The following PIKFYVE variants were observed in gnomAD, a reference collection of about 807,000 sequenced individuals.
PIKFYVE encodes the protein 1-phosphatidylinositol 3-phosphate 5-kinase.
A neutral mutation model predicts 257.9 loss-of-function variants in PIKFYVE; 122 were observed. The ratio of observed to expected loss-of-function variants is 0.47; its 90% confidence interval spans 0.41 to 0.55. The LOEUF (loss-of-function observed/expected upper bound fraction) is 0.55, where lower values mean the gene tolerates loss of function less well. PIKFYVE is among the 20% of genes least tolerant of loss of function. The pLI, the probability that PIKFYVE is intolerant of heterozygous loss-of-function variation, is 0.00. For missense variants in PIKFYVE, 2,160 were observed against 2,536.6 expected (o/e 0.85, Z 3.19); for synonymous variants, 892 against 868.9 (o/e 1.03, Z -0.47).
At position 208,304,871 on chromosome 2, in the gene PIKFYVE, A is replaced by G. The variant is rs372162646; in HGVS notation, c.1494A>G (p.Thr498=). Residue 498 remains threonine (T), a synonymous_variant, in exon 12 of 42, where the codon ACA becomes ACG. Transcript: ENST00000264380. ...ATTCTGCCAGTCCTAGCAAGCGCAC[A>G]TCAGTCAGCAGTTTCCAGTCCACAG... ...LANSASPSKR[T]SVSSFQSTVD... 8.1e-6 allele frequency: 13 copies of G among 1,614,052 alleles called. No homozygotes were observed. The highest frequency in any genetic ancestry group is 1.3e-5 in the African/African-American group (1 of 74,916).
At chr2:208,343,455 T>C (rs1250569541) in intron 32 of PIKFYVE, among the ~76,000 whole-genome samples, 4 of 152,244 alleles carry the variant, frequency 2.6e-5, no homozygotes, top group African/African-American at 9.6e-5. Context: ...CAGATAGTAC[T>C]GAACCCTATA....
intron 13 of PIKFYVE, among the ~76,000 whole-genome samples, chr2:208,312,706 AAGAGAAGCAGGC>A (rs1356547319): frequency 6.6e-6 from 1 of 152,222 alleles, no homozygotes; most frequent in Non-Finnish European, 1.5e-5. Flanking sequence ...TGGAGTGAGG[AAGAGAAGCAGGC>A]AGTAGAGGTT....
At chr2:208,351,013 G>T (rs1448566002) in intron 37 of PIKFYVE, 66 bp downstream of exon 37, 2 of 1,584,480 alleles carry the variant, frequency 1.3e-6, no homozygotes, top group Non-Finnish European at 1.7e-6. Flanking sequence ...AGAAAATGCA[G>T]CAGGAAGGAT....
chr2:208,341,417 C>G (rs1336809453), intron 31 of PIKFYVE, among the ~76,000 whole-genome samples: 1 of 151,972 alleles, frequency 6.6e-6, no homozygotes, highest in African/African-American at 2.4e-5. Flanking sequence ...GAAGAATTTA[C>G]TAGACCTTCC....
chr2:208,342,772 T>C, intron 32 of PIKFYVE, 123 bp downstream of exon 32: 3 of 762,536 alleles, frequency 3.9e-6, no homozygotes, highest in Non-Finnish European at 6.6e-6. Context: ...AAATATATGT[T>C]CTTTAGTCGT....
At chr2:208,327,014 A>T (rs1181911913) in intron 20 of PIKFYVE, among the ~76,000 whole-genome samples, 1 of 152,194 alleles carries the variant, frequency 6.6e-6, no homozygotes, top group Non-Finnish European at 1.5e-5. Context: ...TAGATGAGGA[A>T]ATGCAATTGT....
intron 31 of PIKFYVE, among the ~76,000 whole-genome samples, chr2:208,341,844 T>C (rs1231157496): frequency 6.6e-6 from 1 of 152,176 alleles, no homozygotes; most frequent in Non-Finnish European, 1.5e-5. Flanking sequence ...AGGGTAAACA[T>C]TCATTCTGTA....
chr2:208,294,704 T>G (rs1020680906), intron 7 of PIKFYVE, among the ~76,000 whole-genome samples: 1 of 152,056 alleles, frequency 6.6e-6, no homozygotes, highest in African/African-American at 2.4e-5. Context: ...TCTTCCCCCA[T>G]GTGGAAGGCT....
intron 12 of PIKFYVE, among the ~76,000 whole-genome samples, chr2:208,309,913 C>CA (rs1694764075): frequency 6.6e-6 from 1 of 152,172 alleles, no homozygotes; most frequent in African/African-American, 2.4e-5. Context: ...TTAGCCTACT[C>CA]AGTGAGAATA....
chr2:208,316,657 A>T (rs1481435482), intron 15 of PIKFYVE, among the ~76,000 whole-genome samples: 1 of 152,222 alleles, frequency 6.6e-6, no homozygotes, highest in East Asian at 1.9e-4. Flanking sequence ...GGAACCAAAA[A>T]AGAGCCCGCA....
chr2:208,345,202 A>G lies in PIKFYVE; in HGVS notation c.5111+8A>G. The G allele has an allele frequency of 1.3e-6, 2 of 1,587,176 alleles. No homozygotes were observed. The highest frequency in any genetic ancestry group is 1.7e-6 in the Non-Finnish European group (2 of 1,155,782). On this transcript the variant is annotated splice_region_variant and intron_variant, in intron 33 of 41. Transcript: ENST00000264380. Reference sequence around the variant, plus strand: ...AGGGCTTCCAACAAATAGGTGATTCATGATTGAGTAGAAACTATTTTAATT... The same window carrying G: ...AGGGCTTCCAACAAATAGGTGATTCGTGATTGAGTAGAAACTATTTTAATT...
chr2:208,335,237 A>G, intron 24 of PIKFYVE, 69 bp from the exon 25 acceptor site: 1 of 1,040,416 alleles, frequency 9.6e-7, no homozygotes, highest in Non-Finnish European at 1.5e-6. Context: ...GTTGAACATC[A>G]TGATACAGCT....
In PIKFYVE at chr2:208,285,617, T is replaced by C. The variant is rs530606379; in HGVS notation, c.614-109T>C. 3.8e-4 allele frequency: 334 copies of C among 879,078 alleles called. 1 individual carries two copies. The highest frequency in any genetic ancestry group is 5.4e-4 in the Non-Finnish European group (286 of 530,856). 54.5% of individuals were successfully genotyped at this position (879,078 alleles called of 1,614,324 possible). On this transcript the variant is annotated intron_variant, in intron 5 of 41. Transcript: ENST00000264380. ...AGTCTGTACTTGAAGACATTTCCGTTATTAGATGAACTGTTGACCCAAGGA... is the reference window on the plus strand; with the variant it reads ...AGTCTGTACTTGAAGACATTTCCGTCATTAGATGAACTGTTGACCCAAGGA...
Position 208,298,799 on chromosome 2 carries a change from G to T in PIKFYVE, c.1050+20G>T. 1.2e-6 allele frequency: 2 copies of T among 1,613,506 alleles called. No individual in the cohort carries two copies. The highest frequency in any genetic ancestry group is 2.2e-5 in the South Asian group (2 of 91,034). ...CTTCTGGTACTGGTCCAGTATCTTT[G>T]ACCCATTGCTAGTTTTGAGCATAGA... On this transcript the variant is annotated intron_variant, in intron 8 of 41. Coordinates refer to ENST00000264380, the MANE Select transcript of PIKFYVE (RefSeq NM_015040.4).
At chr2:208,298,033 C>A (rs1321498371) in intron 7 of PIKFYVE, among the ~76,000 whole-genome samples, 1 of 152,064 alleles carries the variant, frequency 6.6e-6, no homozygotes, top group Non-Finnish European at 1.5e-5. Flanking sequence ...GAAAGGAATT[C>A]TTTTTTTGGT....
At chr2:208,354,751 A>G (rs1700055648) in intron 41 of PIKFYVE, 106 bp downstream of exon 41, 5 of 887,982 alleles carry the variant, frequency 5.6e-6, no homozygotes, top group Non-Finnish European at 9.2e-6. Context: ...ATAAGTGGTT[A>G]TCATTGATTT....
At position 208,349,986 on chromosome 2, in the gene PIKFYVE, C is replaced by T. The variant is rs1699619639; in HGVS notation, c.5375-38C>T. On this transcript the variant is annotated intron_variant, in intron 35 of 41. Coordinates refer to ENST00000264380, the MANE Select transcript of PIKFYVE (RefSeq NM_015040.4). ...AGGACAAAATGAACTGATAATTACTCAAAACCTTGGCTTTACTAATGATAT... is the reference window on the plus strand; with the variant it reads ...AGGACAAAATGAACTGATAATTACTTAAAACCTTGGCTTTACTAATGATAT... The T allele has an allele frequency of 5.0e-6, 8 of 1,609,100 alleles. No individual in the cohort carries two copies. The African/African-American group carries it at 6.7e-5, about 13-fold the overall frequency.
intron 16 of PIKFYVE, among the ~76,000 whole-genome samples, chr2:208,319,424 G>A (rs1431839879): frequency 1.3e-5 from 2 of 152,174 alleles, no homozygotes; most frequent in Non-Finnish European, 2.9e-5. Context: ...AATGATATTT[G>A]TTGAATTAAG....
intron 6 of PIKFYVE, 92 bp from the exon 7 acceptor site, chr2:208,288,637 A>G (rs1039219086): frequency 1.9e-6 from 3 of 1,549,460 alleles, no homozygotes; most frequent in African/African-American, 1.4e-5. Flanking sequence ...TGCAAGGAAA[A>G]AGATTAAATC....
Sources: allele counts gnomAD v4.1 joint callset (sites outside exome capture counted in the v4.1 genomes callset), GRCh38; gene constraint gnomAD v4.1.1; transcripts MANE v1.5; gene names NCBI Gene and HGNC (gene_info 2026-07-23, HGNC 2026-07-21).